TBCK: variants seen among roughly 807,000 people sequenced by gnomAD.
The protein encoded by TBCK is TBC domain-containing protein kinase-like protein.
TBCK carries 99 observed loss-of-function variants against 113.4 expected under a neutral mutation model. The observed-to-expected ratio is 0.87, with a 90% CI of 0.74 to 1.03. The LOEUF is 1.03. Ranked by LOEUF, TBCK falls within the 50% of genes least tolerant of loss-of-function variation. TBCK has a pLI of 0.00. For missense variants in TBCK, 1,045 were observed against 1,061.3 expected (o/e 0.98, Z 0.21); for synonymous variants, 369 against 370.8 (o/e 1.00, Z 0.05).
chr4:106,169,693 T>C (rs1206849352), intron 23 of TBCK, among the ~76,000 whole-genome samples: 1 of 152,092 alleles, frequency 6.6e-6, no homozygotes, highest in Admixed American at 6.6e-5. Flanking sequence ...ACATTTATTG[T>C]GTACTTTATT....
At chr4:106,140,260 T>C (rs1477558943) in intron 23 of TBCK, among the ~76,000 whole-genome samples, 1 of 140,946 alleles carries the variant, frequency 7.1e-6, no homozygotes, top group East Asian at 2.0e-4. Context: ...AATGTACAGA[T>C]ACATTTCAAC....
Position 106,069,445 on chromosome 4 carries a change from A to G in TBCK, c.2572-22765T>C, listed in dbSNP as rs183816351. Among the ~76,000 whole-genome samples the G allele has an allele frequency of 1.2e-3, 184 of 152,316 alleles. 1 individual carries two copies. The highest frequency in any genetic ancestry group is 2.0e-3 in the Non-Finnish European group (136 of 68,028). ...GTTTTTGTCAGGTCTATCAAAGATC[A>G]GAGGGTTGTAGATGTGTGGTGTTAT... On this transcript the variant is annotated intron_variant, in intron 25 of 25. Transcript: ENST00000394708.
At chr4:106,222,796 T>C (rs1267086344) in intron 19 of TBCK, among the ~76,000 whole-genome samples, 1 of 152,040 alleles carries the variant, frequency 6.6e-6, no homozygotes, top group Non-Finnish European at 1.5e-5. Context: ...CATTACAAAG[T>C]TTTCTGCTGT....
At chr4:106,291,848 A>C (rs1436648626) in intron 3 of TBCK, among the ~76,000 whole-genome samples, 1 of 152,232 alleles carries the variant, frequency 6.6e-6, no homozygotes, top group East Asian at 1.9e-4. Context: ...GAAATAACAG[A>C]GGATATTGAG....
chr4:106,143,641 G>A (rs969762263), intron 23 of TBCK, among the ~76,000 whole-genome samples: 1 of 152,182 alleles, frequency 6.6e-6, no homozygotes, highest in African/African-American at 2.4e-5. Flanking sequence ...CAGGCCGGGT[G>A]CCGTGGCTCA....
intron 25 of TBCK, among the ~76,000 whole-genome samples, chr4:106,060,668 T>C (rs1345204052): frequency 2.0e-5 from 3 of 151,910 alleles, no homozygotes; most frequent in Non-Finnish European, 4.4e-5. Flanking sequence ...GAAGGAGTCA[T>C]TTCAACCTTC....
At chr4:106,125,991 T>A (rs1215779782) in intron 23 of TBCK, among the ~76,000 whole-genome samples, 2 of 152,248 alleles carry the variant, frequency 1.3e-5, no homozygotes, top group African/African-American at 2.4e-5. Context: ...ATGTGCTCTA[T>A]AAATTTTTAT....
intron 2 of TBCK, among the ~76,000 whole-genome samples, chr4:106,303,845 G>T (rs1767217020): frequency 6.6e-6 from 1 of 152,158 alleles, no homozygotes; most frequent in South Asian, 2.1e-4. Context: ...AGTCTACCAA[G>T]AATAAGCAGT....
intron 3 of TBCK, among the ~76,000 whole-genome samples, chr4:106,284,009 A>G (rs1764879586): frequency 6.6e-6 from 1 of 152,192 alleles, no homozygotes; most frequent in African/African-American, 2.4e-5. Flanking sequence ...TTAGTAAGAT[A>G]TAAGGTACAA....
chr4:106,316,573 A>G (rs1318469418), upstream of TBCK: 6 of 1,551,436 alleles, frequency 3.9e-6, no homozygotes, highest in Non-Finnish European at 4.4e-6. Context: ...GCTGTCTCGG[A>G]ACCCGTGGTC....
At chr4:106,305,987 G>A (rs763070174) in intron 2 of TBCK, among the ~76,000 whole-genome samples, 2 of 152,134 alleles carry the variant, frequency 1.3e-5, no homozygotes, top group East Asian at 3.9e-4. Flanking sequence ...GGCTACTCTG[G>A]CTATGGAGTA....
intron 20 of TBCK, among the ~76,000 whole-genome samples, chr4:106,195,027 C>T (rs1402561996): frequency 6.6e-6 from 1 of 152,028 alleles, no homozygotes; most frequent in Non-Finnish European, 1.5e-5. Context: ...ACCAATCTAG[C>T]TGTTTCTGTA....
chr4:106,170,744 CAAT>C (rs1407601418), intron 23 of TBCK, among the ~76,000 whole-genome samples: 1 of 151,984 alleles, frequency 6.6e-6, no homozygotes, highest in Non-Finnish European at 1.5e-5. Flanking sequence ...TGTCAACCAA[CAAT>C]AAGTTCCTGC....
intron 20 of TBCK, among the ~76,000 whole-genome samples, chr4:106,211,985 G>A (rs942520204): frequency 9.2e-5 from 14 of 151,800 alleles, no homozygotes; most frequent in South Asian, 2.1e-4. Context: ...TTGAGGTCAG[G>A]TGCCTTCAGC....
In TBCK at chr4:106,046,393, T is replaced by A. The variant is rs1450781591; in HGVS notation, c.*177A>T. ...TCAGCAATACATGTAGAGTCAAGTT[T>A]CTTGCATGGATAACTGAACATGTGG... On this transcript the variant is annotated 3_prime_UTR_variant, in exon 26 of 26. Transcript: ENST00000394708. 4.2e-6 allele frequency: 2 copies of A among 478,390 alleles called. No individual in the cohort carries two copies. Among genetic ancestry groups the A allele is most frequent in the African/African-American group, 4.0e-5 (2 of 49,766 alleles). The allele number at this position is 478,390 out of a possible 1,614,324, so 29.6% of individuals were successfully genotyped here.
intron 3 of TBCK, among the ~76,000 whole-genome samples, chr4:106,280,928 A>G (rs185941472): frequency 6.6e-6 from 1 of 152,126 alleles, no homozygotes; most frequent in East Asian, 1.9e-4. Flanking sequence ...GTTCCATATA[A>G]GTTTTAGGAT....
intron 24 of TBCK, among the ~76,000 whole-genome samples, chr4:106,103,892 T>C (rs1034475614): frequency 1.1e-4 from 17 of 152,092 alleles, no homozygotes; most frequent in Admixed American, 1.1e-3. Flanking sequence ...CACCTGGGAA[T>C]AACATGGAAC....
Position 106,179,235 on chromosome 4 carries a change from G to A in TBCK, c.2060-7965C>T, listed in dbSNP as rs560299194. Among the ~76,000 whole-genome samples the A allele has an allele frequency of 4.7e-4, 72 of 152,006 alleles. No homozygotes were observed. In the Middle Eastern group the frequency reaches 0.014, roughly 29 times the overall value. ...ATCTTTTGTATTGTTTTCTTAGCCTGAATTTCATTCGTTTTTATTCTGCTC... is the reference window on the plus strand; with the variant it reads ...ATCTTTTGTATTGTTTTCTTAGCCTAAATTTCATTCGTTTTTATTCTGCTC... On this transcript the variant is annotated intron_variant, in intron 22 of 25. Transcript: ENST00000394708.
At chr4:106,069,928 T>C (rs1315351205) in intron 25 of TBCK, among the ~76,000 whole-genome samples, 1 of 152,234 alleles carries the variant, frequency 6.6e-6, no homozygotes, top group Non-Finnish European at 1.5e-5. Context: ...AGTTCACTCA[T>C]GATTTGGTTG....
Sources: gnomAD v4.1 joint callset for allele counts (sites outside exome capture counted in the v4.1 genomes callset) on GRCh38, gnomAD v4.1.1 for gene constraint, MANE v1.5 for transcripts, NCBI Gene and HGNC (gene_info 2026-07-23, HGNC 2026-07-21) for gene names.